FARP2: variants seen among roughly 807,000 people sequenced by gnomAD.
FARP2 encodes FERM, ARH/RhoGEF and pleckstrin domain protein 2.
FARP2 carries 111 observed loss-of-function variants against 130.5 expected under a neutral mutation model. The observed-to-expected ratio is 0.85, with a 90% confidence interval of 0.73 to 1.00. The LOEUF is 1.00. Ranked by LOEUF, FARP2 falls within the 50% of genes least tolerant of loss-of-function variation. The pLI is 0.00. For missense variants in FARP2, 1,385 were observed against 1,346.3 expected, an observed-to-expected ratio of 1.03 and a Z score of -0.45; for synonymous variants, 504 against 516.9, an observed-to-expected ratio of 0.98 and a Z score of 0.34.
chr2:241,468,197 A>AC lies in FARP2; in HGVS notation c.1953dup (p.Lys652GlnfsTer4). On this transcript the variant is annotated frameshift_variant, in exon 18 of 27. Transcript: ENST00000264042. LOFTEE classifies it high-confidence loss of function. ...GGTCCTAACAGAACTGGAAAAGGCT[A>AC]CCAAACGCTGTAAGAAGTTGGAGGC... The AC allele has an allele frequency of 6.2e-7, 1 of 1,614,170 alleles. No individual in the cohort carries two copies. The highest frequency in any genetic ancestry group is 1.3e-5 in the African/African-American group (1 of 75,082).
chr2:241,391,881 G>A (rs1347173820), intron 2 of FARP2, among the ~76,000 whole-genome samples: 2 of 152,152 alleles, frequency 1.3e-5, no homozygotes, highest in Non-Finnish European at 2.9e-5. Flanking sequence ...GACAGAAACT[G>A]TACCAGTAAT....
At chr2:241,383,569 A>G (rs1047109459) in intron 2 of FARP2, among the ~76,000 whole-genome samples, 1 of 152,212 alleles carries the variant, frequency 6.6e-6, no homozygotes, top group Non-Finnish European at 1.5e-5. Context: ...AACTCCACCC[A>G]GGACGTGATG....
chr2:241,358,816 T>G (rs1202989962), intron 1 of FARP2, among the ~76,000 whole-genome samples: 1 of 152,212 alleles, frequency 6.6e-6, no homozygotes, highest in Non-Finnish European at 1.5e-5. Context: ...AAGTTGAGGA[T>G]CCTACAAAGC....
chr2:241,367,865 C>T (rs1355396470), intron 1 of FARP2, among the ~76,000 whole-genome samples: 40 of 150,656 alleles, frequency 2.7e-4, no homozygotes, highest in African/African-American at 9.6e-4. Context: ...TTATTTGTTC[C>T]TTGGCAGGCC....
chr2:241,410,801 G>A (rs1378139737), intron 5 of FARP2: 4 of 482,490 alleles, frequency 8.3e-6, no homozygotes, highest in Non-Finnish European at 1.5e-5. Context: ...TCTCCCATGT[G>A]TGTGACTCAG....
chr2:241,463,682 G>A (rs1230543082), intron 16 of FARP2: 6 of 687,216 alleles, frequency 8.7e-6, no homozygotes, highest in Non-Finnish European at 1.4e-5. Context: ...AAAAATGGAA[G>A]ATCCCTTTTT....
intron 2 of FARP2, among the ~76,000 whole-genome samples, chr2:241,401,329 G>T (rs945991478): frequency 6.6e-6 from 1 of 152,168 alleles, no homozygotes; most frequent in African/African-American, 2.4e-5. Flanking sequence ...AGATGTTATA[G>T]AAGTGAAGAA....
chr2:241,358,737 A>G (rs959688119), intron 1 of FARP2, among the ~76,000 whole-genome samples: 5 of 152,168 alleles, frequency 3.3e-5, no homozygotes, highest in Admixed American at 6.5e-5. Context: ...AATTCCGGTC[A>G]TGTTCTCTGA....
At chr2:241,430,183 G>C (rs915874064) in intron 8 of FARP2, among the ~76,000 whole-genome samples, 14 of 152,078 alleles carry the variant, frequency 9.2e-5, no homozygotes, top group Non-Finnish European at 1.8e-4. Flanking sequence ...CCCACATTTG[G>C]CCCAAGGGAG....
At chr2:241,452,591 C>G (rs1048770164) in intron 13 of FARP2, among the ~76,000 whole-genome samples, 1 of 151,572 alleles carries the variant, frequency 6.6e-6, no homozygotes. Flanking sequence ...CTGTTTGAGG[C>G]CAGGAGTTCA....
chr2:241,455,597 G>A (rs1237020662), intron 13 of FARP2, among the ~76,000 whole-genome samples: 1 of 151,216 alleles, frequency 6.6e-6, no homozygotes, highest in Non-Finnish European at 1.5e-5. Flanking sequence ...GGCCAGGCTG[G>A]TCTCTAACTC....
intron 12 of FARP2, among the ~76,000 whole-genome samples, chr2:241,438,414 A>C (rs1029071293): frequency 5.9e-5 from 9 of 152,054 alleles, no homozygotes; most frequent in African/African-American, 2.2e-4. Flanking sequence ...TAAATTAGCC[A>C]GGTGTGGTGG....
At chr2:241,410,044 G>A (rs895238633) in intron 5 of FARP2, among the ~76,000 whole-genome samples, 1 of 152,272 alleles carries the variant, frequency 6.6e-6, no homozygotes, top group African/African-American at 2.4e-5. Context: ...GGGACAGGGG[G>A]TTGGTCTTGC....
chr2:241,392,330 G>A (rs985607591), intron 2 of FARP2, among the ~76,000 whole-genome samples: 1 of 152,190 alleles, frequency 6.6e-6, no homozygotes, highest in African/African-American at 2.4e-5. Context: ...ATGTCTACAG[G>A]GTGCTACTCC....
chr2:241,361,904 A>T (rs1352623573), intron 1 of FARP2, among the ~76,000 whole-genome samples: 2 of 149,058 alleles, frequency 1.3e-5, no homozygotes, highest in Non-Finnish European at 3.0e-5. Context: ...TTATTTATTT[A>T]TTTTTTTTTA....
At chr2:241,423,561 C>A (rs574736600) in intron 8 of FARP2, among the ~76,000 whole-genome samples, 3 of 152,226 alleles carry the variant, frequency 2.0e-5, no homozygotes, top group African/African-American at 7.2e-5. Context: ...AACAAGTCTG[C>A]AAAATAACCA....
intron 5 of FARP2, among the ~76,000 whole-genome samples, chr2:241,409,038 T>TAGATGATAGATAGATAGATA (rs1553715970): frequency 6.9e-6 from 1 of 145,930 alleles, no homozygotes. Context: ...GATAGATAGA[T>TAGATGATAGATAGATAGATA]GATAGATAGA....
chr2:241,447,057 G>A (rs1186770789), intron 13 of FARP2: 1 of 152,086 alleles, frequency 6.6e-6, no homozygotes, highest in Non-Finnish European at 1.5e-5. Context: ...GTTTTCCATT[G>A]AAATTGCCAT....
At chr2:241,396,364 C>T (rs2062027508) in intron 2 of FARP2, among the ~76,000 whole-genome samples, 1 of 151,960 alleles carries the variant, frequency 6.6e-6, no homozygotes, top group African/African-American at 2.4e-5. Flanking sequence ...AGCTTCTGCA[C>T]AGCAAAAGAA....
Sources: allele counts gnomAD v4.1 joint callset (sites outside exome capture counted in the v4.1 genomes callset), GRCh38; gene constraint gnomAD v4.1.1; transcripts MANE v1.5; gene names NCBI Gene and HGNC (gene_info 2026-07-23, HGNC 2026-07-21).